Variants in CFAP54 observed in about 807,000 individuals in gnomAD.
CFAP54 encodes cilia and flagella associated protein 54.
In CFAP54, 290 loss-of-function variants were observed where a neutral mutation model predicts 370.4. That is an observed-to-expected ratio of 0.78 (90% CI 0.71 to 0.86). CFAP54 has a LOEUF of 0.86. Among genes scored for constraint, CFAP54 ranks in the 40% least tolerant of loss-of-function variants. The probability of loss-of-function intolerance (pLI) is 0.00; values close to 1 mark genes in which losing one functional copy is unlikely to be tolerated. For missense variants in CFAP54, 3,399 were observed against 3,528.7 expected (o/e 0.96, Z 0.93); for synonymous variants, 1,206 against 1,236.5 (o/e 0.98, Z 0.52).
At chr12:96,501,974 T>A (rs778731816) in intron 2 of CFAP54, among the ~76,000 whole-genome samples, 2 of 151,956 alleles carry the variant, frequency 1.3e-5, no homozygotes, top group Non-Finnish European at 2.9e-5. Context: ...GGAATAAGAG[T>A]TTTGACAAGA....
intron 62 of CFAP54, among the ~76,000 whole-genome samples, chr12:96,787,674 T>C (rs1002886203): frequency 6.6e-6 from 1 of 152,156 alleles, no homozygotes; most frequent in Non-Finnish European, 1.5e-5. Context: ...CACTGTTAGT[T>C]GGTGGAGAAA....
chr12:96,828,046 T>C (rs930591948), intron 65 of CFAP54, among the ~76,000 whole-genome samples: 1 of 127,738 alleles, frequency 7.8e-6, no homozygotes, highest in African/African-American at 3.0e-5. Flanking sequence ...TATATAATTA[T>C]ATATTAATAT....
At chr12:96,592,676 C>A in intron 24 of CFAP54, 39 bp downstream of exon 24, 1 of 704,152 alleles carries the variant, frequency 1.4e-6, no homozygotes, top group South Asian at 4.3e-5. Context: ...GTCAGATTCA[C>A]TGTATTTTTT....
intron 55 of CFAP54, among the ~76,000 whole-genome samples, chr12:96,749,414 G>A (rs922746450): frequency 1.3e-5 from 2 of 152,212 alleles, no homozygotes; most frequent in Admixed American, 6.5e-5. Context: ...TTCAACATAT[G>A]AATTTTAAAG....
chr12:96,745,972 G>A (rs958805803), intron 55 of CFAP54, among the ~76,000 whole-genome samples: 3 of 152,110 alleles, frequency 2.0e-5, no homozygotes, highest in South Asian at 2.1e-4. Context: ...TGGGAAAACG[G>A]TGTATCAGCC....
At chr12:96,492,084 T>G (rs1197586436) in intron 1 of CFAP54, among the ~76,000 whole-genome samples, 2 of 152,198 alleles carry the variant, frequency 1.3e-5, no homozygotes, top group Non-Finnish European at 2.9e-5. Context: ...TAAATGGTTT[T>G]TATCTTTGAA....
At chr12:96,615,378 C>G (rs1475586768) in intron 26 of CFAP54, among the ~76,000 whole-genome samples, 1 of 152,190 alleles carries the variant, frequency 6.6e-6, no homozygotes, top group Non-Finnish European at 1.5e-5. Flanking sequence ...GGATTAAAGA[C>G]TTAAATGTTA....
At chr12:96,833,514 G>GTGTA (rs1484639967) in intron 66 of CFAP54, among the ~76,000 whole-genome samples, 1 of 138,558 alleles carries the variant, frequency 7.2e-6, no homozygotes, top group Non-Finnish European at 1.5e-5. Flanking sequence ...GTACGTGTGT[G>GTGTA]TGTGTGTGTG....
intron 61 of CFAP54, 131 bp downstream of exon 61, chr12:96,785,021 A>G (rs149384422): frequency 9.5e-5 from 67 of 704,014 alleles, no homozygotes; most frequent in African/African-American, 9.4e-4. Context: ...TGAAAATTTC[A>G]TGGGTTCTTA....
At chr12:96,735,300 TCATCTA>T (rs1234145456) in intron 50 of CFAP54, among the ~76,000 whole-genome samples, 2 of 152,168 alleles carry the variant, frequency 1.3e-5, no homozygotes, top group Admixed American at 6.5e-5. Context: ...CCACAAGGGA[TCATCTA>T]CATCCACTTT....
intron 15 of CFAP54, among the ~76,000 whole-genome samples, chr12:96,551,482 GGTAT>G (rs1249117138): frequency 1.4e-4 from 14 of 98,338 alleles, no homozygotes; most frequent in Non-Finnish European, 2.0e-4. Flanking sequence ...TTCTTGAATG[GGTAT>G]GTGTGTGTGT....
chr12:96,540,726 C>T, intron 13 of CFAP54, 111 bp from the exon 14 acceptor site: 2 of 584,038 alleles, frequency 3.4e-6, no homozygotes, highest in South Asian at 4.8e-5. Context: ...GTAACATTTC[C>T]ATATGATTAG....
intron 25 of CFAP54, among the ~76,000 whole-genome samples, chr12:96,595,853 G>A (rs1956172377): frequency 1.3e-5 from 2 of 152,072 alleles, no homozygotes; most frequent in Admixed American, 6.6e-5. Flanking sequence ...TTTGGAGGGG[G>A]TATCCCAGCC....
In CFAP54 at chr12:96,788,663, ATTTT is replaced by A. The variant is rs112699766; in HGVS notation, c.8679+1773_8679+1776del. On this transcript the variant is annotated intron_variant, in intron 62 of 67. Transcript: ENST00000524981. ...ATGTTTTGGGTAGATTAAATTATAC[ATTTT>A]TTTTTTTAAAAATCACTCTTTTGAA... Among the ~76,000 whole-genome samples the A allele has an allele frequency of 9.6e-3, 1,440 of 150,362 alleles. 55 individuals are homozygous for A. The East Asian group carries it at 0.1, about 11-fold the overall frequency.
chr12:96,640,907 C>T (rs922292527), intron 32 of CFAP54, among the ~76,000 whole-genome samples: 9 of 152,030 alleles, frequency 5.9e-5, no homozygotes, highest in Middle Eastern at 6.8e-3. Flanking sequence ...CTTCCTTACA[C>T]CTTATACAAA....
chr12:96,860,134 ATTTTTTTTT>A (rs137937553), intron 66 of CFAP54, among the ~76,000 whole-genome samples: 1 of 127,990 alleles, frequency 7.8e-6, no homozygotes. Context: ...TTGTTCTCTA[ATTTTTTTTT>A]TTTTTTTTTT....
chr12:96,620,016 A>C (rs1641711), intron 26 of CFAP54, among the ~76,000 whole-genome samples: 1 of 151,376 alleles, frequency 6.6e-6, no homozygotes, highest in Admixed American at 6.6e-5. Flanking sequence ...ACAAATAAAA[A>C]TTTTTAAAAA....
At chr12:96,768,427 TGGATCACTTGAGGCCA>T (rs1003020143) in intron 60 of CFAP54, among the ~76,000 whole-genome samples, 21 of 151,602 alleles carry the variant, frequency 1.4e-4, no homozygotes, top group African/African-American at 5.1e-4. Flanking sequence ...CCAAGAAGGG[TGGATCACTTGAGGCCA>T]GGAGTTCAAG....
intron 26 of CFAP54, among the ~76,000 whole-genome samples, chr12:96,616,526 C>T (rs1449715694): frequency 6.7e-6 from 1 of 148,584 alleles, no homozygotes; most frequent in Admixed American, 6.6e-5. Flanking sequence ...AAAAGATAAA[C>T]AGAAAAAGAT....
Sources: gnomAD v4.1 joint callset for allele counts (sites outside exome capture counted in the v4.1 genomes callset) on GRCh38, gnomAD v4.1.1 for gene constraint, MANE v1.5 for transcripts, NCBI Gene and HGNC (gene_info 2026-07-23, HGNC 2026-07-21) for gene names.